The following RIOX2 variants were observed in gnomAD, a reference collection of about 807,000 sequenced individuals.
The protein encoded by RIOX2 is 60S ribosomal protein L27a histidine hydroxylase.
Under a neutral mutation model 51.2 loss-of-function variants are expected in RIOX2, and 43 were observed. That is an observed-to-expected ratio of 0.84 (90% CI 0.66 to 1.08). The LOEUF (loss-of-function observed/expected upper bound fraction) is 1.08, where lower values mean the gene tolerates loss of function less well. RIOX2 is among the 50% of genes least tolerant of loss of function. RIOX2 has a pLI of 0.00. For synonymous variants in RIOX2, 226 were observed against 218.5 expected (o/e 1.03, Z -0.30); for missense variants, 566 against 561.7 (o/e 1.01, Z -0.08).
chr3:97,949,998 A>C lies in RIOX2; in HGVS notation c.906T>G (p.Thr302=), dbSNP rs746102124. 3 of 1,613,668 alleles carry C rather than the reference A, an allele frequency of 1.9e-6. No homozygotes were observed. Among genetic ancestry groups the C allele is most frequent in the South Asian group, 1.1e-5 (1 of 91,040 alleles). ...RQLLLQVEST[T]VATRRLSGFL... ...AGCCACTTAATCGTCTTGTAGCAACAGTTGTGGATTCCACCTGCTAGGAAC... is the reference window on the plus strand; with the variant it reads ...AGCCACTTAATCGTCTTGTAGCAACCGTTGTGGATTCCACCTGCTAGGAAC... Residue 302 remains threonine, a synonymous_variant, in exon 7 of 10, where the codon ACT becomes ACG. Coordinates refer to ENST00000394198, the MANE Select transcript of RIOX2 (RefSeq NM_153182.4).
Position 97,950,755 on chromosome 3 carries a change from TCCTTCATTCCTA to T in RIOX2, c.888+19_888+30del. 6.4e-7 allele frequency: 1 copy of T among 1,562,756 alleles called. No individual in the cohort carries two copies. The highest frequency in any genetic ancestry group is 8.8e-7 in the Non-Finnish European group (1 of 1,133,430). ...CAGCTGGCCTGGGCTGCAGCTACCA[TCCTTCATTCCTA>T]CCTGCCTTTACTCCTTACCAGGAGC... On this transcript the variant is annotated intron_variant, in intron 6 of 9. Transcript: ENST00000394198.
intron 3 of RIOX2, among the ~76,000 whole-genome samples, chr3:97,960,580 C>G (rs962289188): frequency 2.0e-5 from 3 of 152,152 alleles, no homozygotes; most frequent in African/African-American, 7.2e-5. Context: ...GCACAAGGGT[C>G]AAGTTTCCGA....
chr3:97,959,667 A>C lies in RIOX2; in HGVS notation c.553-488T>G, dbSNP rs138912854. ...CGCTTATATGCTGATTTTTTTCAAT[A>C]AATTATATTGGAAAATTTGGAGGAG... is the stretch of plus-strand genomic sequence containing the variant. On this transcript the variant is annotated intron_variant, in intron 3 of 9. Coordinates refer to ENST00000394198, the MANE Select transcript of RIOX2 (RefSeq NM_153182.4). Among the ~76,000 whole-genome samples the C allele has an allele frequency of 2.1e-3, 321 of 152,302 alleles. 2 individuals are homozygous for C. Among genetic ancestry groups the C allele is most frequent in the African/African-American group, 7.1e-3 (297 of 41,562 alleles).
At chr3:97,948,894 C>T (rs1705117464) in intron 7 of RIOX2, among the ~76,000 whole-genome samples, 1 of 152,028 alleles carries the variant, frequency 6.6e-6, no homozygotes, top group Non-Finnish European at 1.5e-5. Context: ...GTGGTCTTTG[C>T]TATAGGATAC....
chr3:97,961,104 C>A (rs1705655948), intron 3 of RIOX2, among the ~76,000 whole-genome samples: 2 of 152,298 alleles, frequency 1.3e-5, no homozygotes, highest in South Asian at 4.1e-4. Flanking sequence ...GAAATCAACA[C>A]TTGTCAAGAT....
rs538885920 is a variant in RIOX2 at position 97,947,810 on chromosome 3, G to A, written c.1061-361C>T. ...AGGTTCTGTCCTCTACAAGCTTCTC[G>A]CTCAACATATGGACTCTGGAAGTAC... On this transcript the variant is annotated intron_variant, in intron 7 of 9. Coordinates refer to ENST00000394198, the MANE Select transcript of RIOX2 (RefSeq NM_153182.4). 1.2e-4 allele frequency among the ~76,000 whole-genome samples: 19 copies of A among 152,240 alleles called. No homozygotes were observed. In the South Asian group the frequency reaches 3.9e-3, roughly 32 times the overall value.
At chr3:97,954,556 A>T (rs1559759237) in intron 4 of RIOX2, 61 bp from the exon 5 acceptor site, 1 of 1,365,802 alleles carries the variant, frequency 7.3e-7, no homozygotes, top group Admixed American at 1.9e-5. Context: ...AGTCCTCTTC[A>T]TTTCAGGGAG....
intron 6 of RIOX2, among the ~76,000 whole-genome samples, 200 bp from the exon 7 acceptor site, chr3:97,950,215 ATTG>A (rs1705192295): frequency 6.6e-6 from 1 of 152,122 alleles, no homozygotes; most frequent in Admixed American, 6.5e-5. Context: ...TAAGCTGCCT[ATTG>A]TTTGCAAAAA....
At chr3:97,948,573 T>G (rs1185108629) in intron 7 of RIOX2, among the ~76,000 whole-genome samples, 1 of 152,160 alleles carries the variant, frequency 6.6e-6, no homozygotes, top group Non-Finnish European at 1.5e-5. Context: ...AACATCCCCC[T>G]ACTCTGGCTA....
At chr3:97,965,357 C>G (rs1388180465) in intron 2 of RIOX2, among the ~76,000 whole-genome samples, 2 of 151,822 alleles carry the variant, frequency 1.3e-5, no homozygotes, top group Non-Finnish European at 2.9e-5. Flanking sequence ...ACTAAAAACA[C>G]AAAAATTAGC....
rs1267838327 is a variant in RIOX2, at chr3:97,945,789, G to C, written c.1239+9C>G. On this transcript the variant is annotated intron_variant, in intron 9 of 9. Coordinates refer to ENST00000394198, the MANE Select transcript of RIOX2 (RefSeq NM_153182.4). ...ACAGGATAGGCATTTGTTTTCAGTT[G>C]AAACAAACCTCTGTTTCCTCCTCAT... The C allele has an allele frequency of 3.8e-6, 6 of 1,596,484 alleles. No individual in the cohort carries two copies. In the Admixed American group the frequency reaches 1.0e-4, roughly 27 times the overall value.
chr3:97,954,290 T>C lies in RIOX2; in HGVS notation c.785+102A>G, dbSNP rs1192438781. ...AAGGACATAAACCCTGGGGTTTGCA[T>C]AGGAGGTAGGGGCCAACTCCCTCAT... is the stretch of plus-strand genomic sequence containing the variant. On this transcript the variant is annotated intron_variant, in intron 5 of 9. Coordinates refer to ENST00000394198, the MANE Select transcript of RIOX2 (RefSeq NM_153182.4). 1.1e-5 allele frequency: 9 copies of C among 785,144 alleles called. No homozygotes were observed. The African/African-American group carries it at 1.4e-4, about 12-fold the overall frequency. The allele number at this position is 785,144 out of a possible 1,614,324, so 48.6% of individuals were successfully genotyped here. A position where few individuals can be genotyped will look rare whatever the true frequency, so the allele number is the denominator to read the frequency against.
chr3:97,965,511 CAAA>C (rs55974494), intron 2 of RIOX2, among the ~76,000 whole-genome samples: 3 of 100,578 alleles, frequency 3.0e-5, no homozygotes, highest in Admixed American at 1.1e-4. Flanking sequence ...GACTCTGTCT[CAAA>C]AAAAAAAAAA....
At chr3:97,966,326 AG>A (rs1705888236) in intron 2 of RIOX2, among the ~76,000 whole-genome samples, 1 of 152,202 alleles carries the variant, frequency 6.6e-6, no homozygotes, top group Non-Finnish European at 1.5e-5. Context: ...GATTTAATGA[AG>A]GGTCACAGAA....
chr3:97,948,380 G>A (rs1302432556), intron 7 of RIOX2, among the ~76,000 whole-genome samples: 2 of 152,080 alleles, frequency 1.3e-5, no homozygotes, highest in Non-Finnish European at 2.9e-5. Context: ...CAGCCAAAAA[G>A]CTGGCCTGGC....
rs186104874 is a variant in RIOX2 at position 97,962,270 on chromosome 3, C to T, written c.433-562G>A. On this transcript the variant is annotated intron_variant, in intron 2 of 9. Transcript: ENST00000394198. The stretch of plus-strand genomic sequence containing the variant: ...GCAATCAGTTCCCCTTTCCACGTAA[C>T]GAGATGGGAAAAACTTACTAAAAAA... Among the ~76,000 whole-genome samples, 21 of 146,766 alleles carry T rather than the reference C, an allele frequency of 1.4e-4. No homozygotes were observed. In the East Asian group the frequency reaches 4.0e-3, roughly 28 times the overall value.
Position 97,954,397 on chromosome 3 carries a change from C to T in RIOX2, c.780G>A (p.Gln260=). 1.2e-6 allele frequency: 2 copies of T among 1,611,434 alleles called. No homozygotes were observed. The highest frequency in any genetic ancestry group is 1.7e-6 in the Non-Finnish European group (2 of 1,177,644). The change falls in exon 5 of 10, where the codon CAG becomes CAA. Residue 260 remains glutamine, a synonymous_variant. Transcript: ENST00000394198. ...AGCTGGGAGGCAGTGTTTACTTGTT[C>T]TGGTAGGTGCTGATGGTCACGTGAG... The part of the protein sequence containing the change: ...HSTHVTISTY[Q]NNSWGDFLLD...
intron 3 of RIOX2, among the ~76,000 whole-genome samples, chr3:97,960,413 T>C (rs1224754086): frequency 6.6e-6 from 1 of 152,220 alleles, no homozygotes; most frequent in Non-Finnish European, 1.5e-5. Context: ...ATAAAGTATA[T>C]AACACATATA....
rs761388474 is a variant in RIOX2, at chr3:97,945,197, A to C, written c.1385T>G (p.Ile462Ser). 6.2e-6 allele frequency: 10 copies of C among 1,609,760 alleles called. No homozygotes were observed. Among genetic ancestry groups the C allele is most frequent in the African/African-American group, 2.7e-5 (2 of 74,668 alleles). ...LVLSLWTECL[I>S]QVV is the part of the protein sequence containing the mutation. ...TCTGCAAAGGCACTAGACTACTTGA[A>C]TTAAACATTCTGTCCAGAGGGATAA... Residue 462 changes from isoleucine (I) to serine (S), a missense_variant, in exon 10 of 10, where the codon ATT (isoleucine) becomes AGT (serine). By Grantham distance (142) the Ile-to-Ser change is moderately radical. Transcript: ENST00000394198.
Sources: allele counts gnomAD v4.1 joint callset (sites outside exome capture counted in the v4.1 genomes callset), GRCh38; gene constraint gnomAD v4.1.1; transcripts MANE v1.5; gene names NCBI Gene and HGNC (gene_info 2026-07-23, HGNC 2026-07-21).